TNRC18: variants seen among roughly 807,000 people sequenced by gnomAD.
TNRC18 encodes the protein trinucleotide repeat-containing gene 18 protein.
A neutral mutation model predicts 226.7 loss-of-function variants in TNRC18; 69 were observed. That is an observed-to-expected ratio of 0.30 (90% CI 0.25 to 0.37). TNRC18 has a LOEUF of 0.37. Among genes scored for constraint, TNRC18 ranks in the 10% least tolerant of loss-of-function variants. TNRC18 has a pLI of 1.00. For synonymous variants in TNRC18, 2,449 were observed against 1,927.6 expected, an observed-to-expected ratio of 1.27 and a Z score of -7.09; for missense variants, 4,754 against 4,256.6, an observed-to-expected ratio of 1.12 and a Z score of -3.25.
Position 5,307,928 on chromosome 7 carries a change from G to T in TNRC18, c.*178C>A. 1 of 622,620 alleles carries T rather than the reference G, an allele frequency of 1.6e-6. No individual in the cohort carries two copies. The allele number at this position is 622,620 out of a possible 1,614,324, so 38.6% of individuals were successfully genotyped here. On this transcript the variant is annotated 3_prime_UTR_variant, in exon 30 of 30. Coordinates refer to ENST00000430969, the MANE Select transcript of TNRC18 (RefSeq NM_001080495.3). ...GGGCTGGAGGCATGTGCACATGCGT[G>T]CACACACGTGCATGCACACACACTC...
rs905536221 is a variant in TNRC18, at chr7:5,308,033, C to T, written c.*73G>A. The T allele has an allele frequency of 3.4e-5, 48 of 1,407,100 alleles. No homozygotes were observed. The highest frequency in any genetic ancestry group is 1.0e-4 in the African/African-American group (7 of 70,240). 87.2% of individuals were successfully genotyped at this position (1,407,100 alleles called of 1,614,324 possible). On this transcript the variant is annotated 3_prime_UTR_variant, in exon 30 of 30. Coordinates refer to ENST00000430969, the MANE Select transcript of TNRC18 (RefSeq NM_001080495.3). ...GCATGCACACAACGCACGTGGTCTC[C>T]GCGCCATGGCAGTGATGGAGATGGG... is the stretch of plus-strand genomic sequence containing the variant.
At chr7:5,319,788 G>A (rs549078106) in intron 24 of TNRC18, among the ~76,000 whole-genome samples, 1 of 152,146 alleles carries the variant, frequency 6.6e-6, no homozygotes, top group Non-Finnish European at 1.5e-5. Context: ...GGGATTACAG[G>A]CATGAGCCAC....
Position 5,307,266 on chromosome 7 carries a change from T to A in TNRC18, c.*840A>T. The stretch of plus-strand genomic sequence containing the variant: ...GTTTTAAAAAGTTTATATATATATT[T>A]ATATATATTTATCTTTATATATATA... On this transcript the variant is annotated 3_prime_UTR_variant, in exon 30 of 30. Transcript: ENST00000430969. The A allele has an allele frequency of 1.3e-5, 2 of 149,068 alleles. No homozygotes were observed. The highest frequency in any genetic ancestry group is 2.4e-5 in the African/African-American group (1 of 40,980). 9.2% of individuals were successfully genotyped at this position (149,068 alleles called of 1,614,324 possible).
chr7:5,393,006 T>C (rs775336364), intron 3 of TNRC18, among the ~76,000 whole-genome samples: 3 of 152,172 alleles, frequency 2.0e-5, no homozygotes, highest in Non-Finnish European at 4.4e-5. Flanking sequence ...AGCAAGACCC[T>C]GTCTCAAAAA....
chr7:5,400,048 T>A (rs1045307335), intron 2 of TNRC18, among the ~76,000 whole-genome samples: 1 of 149,054 alleles, frequency 6.7e-6, no homozygotes, highest in South Asian at 2.1e-4. Context: ...CACCACCATG[T>A]ACAGCTCATT....
At chr7:5,322,805 G>A (rs1368282867) in intron 21 of TNRC18, among the ~76,000 whole-genome samples, 1 of 152,238 alleles carries the variant, frequency 6.6e-6, no homozygotes. Context: ...CTCGCTGGGA[G>A]AGGGATGGGT....
At chr7:5,400,245 G>T (rs1056226585) in intron 2 of TNRC18, among the ~76,000 whole-genome samples, 1 of 152,080 alleles carries the variant, frequency 6.6e-6, no homozygotes, top group Admixed American at 6.6e-5. Flanking sequence ...GCTCAGAGAA[G>T]CTAAAAGCAC....
chr7:5,362,036 G>A lies in TNRC18; in HGVS notation c.4396-3C>T, dbSNP rs1230861269. The A allele has an allele frequency of 5.6e-6, 9 of 1,612,248 alleles. No homozygotes were observed. Among genetic ancestry groups the A allele is most frequent in the Non-Finnish European group, 7.6e-6 (9 of 1,179,170 alleles). On this transcript the variant is annotated splice_region_variant and splice_polypyrimidine_tract_variant and intron_variant, in intron 12 of 29. Transcript: ENST00000430969. ...AGGGAGGACTTCATGGCATACATCT[G>A]GGGGAAGAACCGGGAGAGGAGGAGG...
chr7:5,408,216 T>C (rs1781605153), intron 2 of TNRC18, among the ~76,000 whole-genome samples: 1 of 151,430 alleles, frequency 6.6e-6, no homozygotes, highest in Non-Finnish European at 1.5e-5. Flanking sequence ...GGGGAATCTC[T>C]TGAACCCGGG....
intron 11 of TNRC18, among the ~76,000 whole-genome samples, chr7:5,363,736 C>G (rs1793323520): frequency 6.6e-6 from 1 of 152,170 alleles, no homozygotes; most frequent in African/African-American, 2.4e-5. Context: ...CCGAAGGGTT[C>G]TTTCCAGCAG....
At chr7:5,320,896 T>C (rs1003557518) in intron 22 of TNRC18, among the ~76,000 whole-genome samples, 177 bp downstream of exon 22, 1 of 152,210 alleles carries the variant, frequency 6.6e-6, no homozygotes, top group Non-Finnish European at 1.5e-5. Flanking sequence ...GTTCACCCAG[T>C]ACTCCCTCAA....
chr7:5,328,140 C>T (rs937599005), intron 19 of TNRC18, among the ~76,000 whole-genome samples: 1 of 152,134 alleles, frequency 6.6e-6, no homozygotes, highest in African/African-American at 2.4e-5. Context: ...ATCACTTGAA[C>T]CCGGGAGGCA....
chr7:5,364,861 T>G (rs1462021703), intron 11 of TNRC18, among the ~76,000 whole-genome samples: 2 of 152,100 alleles, frequency 1.3e-5, no homozygotes, highest in Admixed American at 1.3e-4. Flanking sequence ...CATTTTGCTT[T>G]TTTTCTGCTT....
At chr7:5,321,305 G>A (rs1788331349) in intron 21 of TNRC18, 115 bp from the exon 22 acceptor site, 1 of 713,186 alleles carries the variant, frequency 1.4e-6, no homozygotes, top group African/African-American at 1.8e-5. Flanking sequence ...TACCGGGTGG[G>A]CCTGTGGGGC....
In TNRC18 at chr7:5,313,121, G is replaced by C. The variant is rs748116945; in HGVS notation, c.7770C>G (p.Asn2590Lys). Residue 2590 changes from asparagine (N) to lysine (K), a missense_variant, in exon 27 of 30, where the codon AAC (asparagine) becomes AAG (lysine). Transcript: ENST00000430969. ...CCCCGGTGCCGCAGCCCCCGTCCCC[G>C]TTCTTGTCGCCTTCCTCCTCCCCTT... is the stretch of plus-strand genomic sequence containing the variant. ...ETEGEEEGDK[N>K]GDGGCGTGGR... 1.3e-6 allele frequency: 2 copies of C among 1,485,926 alleles called. No individual in the cohort carries two copies. Among genetic ancestry groups the C allele is most frequent in the Non-Finnish European group, 1.8e-6 (2 of 1,097,516 alleles). 92.0% of individuals were successfully genotyped at this position (1,485,926 alleles called of 1,614,324 possible). A position where few individuals can be genotyped will look rare whatever the true frequency, so the allele number is the denominator to read the frequency against.
At chr7:5,382,759 C>G (rs530410404) in intron 5 of TNRC18, among the ~76,000 whole-genome samples, 1 of 152,248 alleles carries the variant, frequency 6.6e-6, no homozygotes, top group African/African-American at 2.4e-5. Flanking sequence ...CCCGCTCAGC[C>G]TTGCCTCATC....
intron 18 of TNRC18, among the ~76,000 whole-genome samples, chr7:5,338,146 AAAGG>A (rs1790307103): frequency 6.6e-6 from 1 of 152,224 alleles, no homozygotes; most frequent in African/African-American, 2.4e-5. Flanking sequence ...GTGGATGTAA[AAAGG>A]AATGTATATT....
At chr7:5,420,410 G>A (rs752633517) in intron 2 of TNRC18, 170 of 456,016 alleles carry the variant, frequency 3.7e-4, no homozygotes, top group Non-Finnish European at 7.1e-4. Context: ...GAAAACAAGG[G>A]GTCCCCGAGG....
At chr7:5,422,496 G>C (rs926644991) in intron 1 of TNRC18, among the ~76,000 whole-genome samples, 1 of 152,188 alleles carries the variant, frequency 6.6e-6, no homozygotes, top group African/African-American at 2.4e-5. Context: ...GATGGGAGGG[G>C]GTCTTGGAGC....
Sources: allele counts gnomAD v4.1 joint callset (sites outside exome capture counted in the v4.1 genomes callset), GRCh38; gene constraint gnomAD v4.1.1; transcripts MANE v1.5; gene names NCBI Gene and HGNC (gene_info 2026-07-23, HGNC 2026-07-21).